Variants in IQSEC1 observed in about 807,000 individuals in gnomAD.
IQSEC1 encodes the protein IQ motif and SEC7 domain-containing protein 1.
In IQSEC1, 31 loss-of-function variants were observed where a neutral mutation model predicts 91.0. That is an observed-to-expected ratio of 0.34 (90% CI 0.26 to 0.46). The LOEUF is 0.46. Among genes scored for constraint, IQSEC1 ranks in the 20% least tolerant of loss-of-function variants. IQSEC1 has a pLI of 1.00. For missense variants in IQSEC1, 1,388 were observed against 1,575.6 expected (o/e 0.88, Z 2.02); for synonymous variants, 699 against 662.6 (o/e 1.05, Z -0.84).
intron 1 of IQSEC1, among the ~76,000 whole-genome samples, chr3:13,168,263 C>T (rs76200674): frequency 0.032 from 4,908 of 152,244 alleles, 102 homozygotes; most frequent in South Asian, 0.049. Context: ...TCTTATATGG[C>T]GTGATGTAGA....
intron 1 of IQSEC1, among the ~76,000 whole-genome samples, chr3:12,944,701 C>T (rs1187802239): frequency 5.3e-5 from 8 of 152,122 alleles, no homozygotes; most frequent in Non-Finnish European, 1.0e-4. Flanking sequence ...CGGGCCTCCG[C>T]TCCTAAGAGG....
chr3:13,200,189 T>C (rs1424433860), intron 1 of IQSEC1, among the ~76,000 whole-genome samples: 1 of 142,072 alleles, frequency 7.0e-6, no homozygotes, highest in African/African-American at 2.7e-5. Flanking sequence ...AACACACACA[T>C]ACACAAACAC....
chr3:13,083,152 C>G (rs1385489107), intron 2 of IQSEC1, among the ~76,000 whole-genome samples: 3 of 152,234 alleles, frequency 2.0e-5, no homozygotes, highest in Non-Finnish European at 4.4e-5. Flanking sequence ...TGCCTGATAA[C>G]TTGCAGGTGC....
At chr3:13,112,730 G>A (rs1354441630) in intron 2 of IQSEC1, among the ~76,000 whole-genome samples, 2 of 152,192 alleles carry the variant, frequency 1.3e-5, no homozygotes, top group Non-Finnish European at 2.9e-5. Flanking sequence ...ACGGGGGCGA[G>A]CAGGCCCACC....
At chr3:13,096,739 G>A (rs889340721) in intron 2 of IQSEC1, among the ~76,000 whole-genome samples, 3 of 152,156 alleles carry the variant, frequency 2.0e-5, no homozygotes, top group African/African-American at 4.8e-5. Flanking sequence ...GCACTGTCAC[G>A]CTTGAAGGAG....
intron 2 of IQSEC1, among the ~76,000 whole-genome samples, chr3:13,117,946 G>T (rs1313959772): frequency 6.6e-6 from 1 of 152,106 alleles, no homozygotes. Flanking sequence ...ATCTGATAAG[G>T]ATCTAGTATC....
intron 3 of IQSEC1, among the ~76,000 whole-genome samples, chr3:12,931,347 C>T (rs532886500): frequency 6.6e-6 from 1 of 152,336 alleles, no homozygotes; most frequent in South Asian, 2.1e-4. Context: ...GCACCACAGG[C>T]TACGGGAGCA....
chr3:13,013,755 T>C (rs1321357709), intron 1 of IQSEC1, among the ~76,000 whole-genome samples: 1 of 152,186 alleles, frequency 6.6e-6, no homozygotes, highest in Non-Finnish European at 1.5e-5. Context: ...CTTTGTACTC[T>C]CAGAGACAAG....
chr3:13,001,311 A>C (rs1702415146), intron 1 of IQSEC1, among the ~76,000 whole-genome samples: 1 of 152,038 alleles, frequency 6.6e-6, no homozygotes, highest in South Asian at 2.1e-4. Context: ...GCTTGTGGGC[A>C]CTTGATAGAT....
intron 1 of IQSEC1, among the ~76,000 whole-genome samples, chr3:13,190,427 C>A (rs1694002457): frequency 6.6e-6 from 1 of 152,032 alleles, no homozygotes; most frequent in South Asian, 2.1e-4. Context: ...AAAAAATTAG[C>A]CAGGCATGGT....
At chr3:13,280,266 A>G (rs1354428682) in intron 1 of IQSEC1, among the ~76,000 whole-genome samples, 1 of 152,104 alleles carries the variant, frequency 6.6e-6, no homozygotes, top group Non-Finnish European at 1.5e-5. Flanking sequence ...TCTTCCTCTT[A>G]TGTTTCCAAG....
chr3:13,166,017 G>A (rs974073526), intron 1 of IQSEC1, among the ~76,000 whole-genome samples: 6 of 152,158 alleles, frequency 3.9e-5, no homozygotes, highest in Non-Finnish European at 5.9e-5. Context: ...TCACCCAGGC[G>A]TTCAGGGATC....
intron 13 of IQSEC1, among the ~76,000 whole-genome samples, chr3:12,902,246 T>TC (rs1448544637): frequency 1.3e-5 from 2 of 151,848 alleles, no homozygotes; most frequent in African/African-American, 4.8e-5. Context: ...CTCAAGACAC[T>TC]CCTCCTCCCA....
In IQSEC1 at chr3:12,979,712, C is replaced by T. The variant is rs1701359928; in HGVS notation, c.24-37847G>A. On this transcript the variant is annotated intron_variant, in intron 1 of 13. Transcript: ENST00000613206. This position sits in a 1 kb window ranked among gnomAD's most constrained non-coding sequence, Gnocchi z 4.3. ...ATTAAAGGTCTGTCAGCATGCCGACCCTCCTGTCTGATGTCATCAGAAGGG... is the reference window on the plus strand; with the variant it reads ...ATTAAAGGTCTGTCAGCATGCCGACTCTCCTGTCTGATGTCATCAGAAGGG... Among the ~76,000 whole-genome samples, 1 of 152,130 alleles carries T rather than the reference C, an allele frequency of 6.6e-6. No homozygotes were observed. The highest frequency in any genetic ancestry group is 2.1e-4 in the South Asian group (1 of 4,826).
At chr3:13,197,418 G>A (rs920384310) in intron 1 of IQSEC1, among the ~76,000 whole-genome samples, 8 of 152,166 alleles carry the variant, frequency 5.3e-5, no homozygotes, top group East Asian at 1.9e-4. Context: ...CAGACAGGAC[G>A]TGCTGGTGCC....
chr3:13,031,096 C>T (rs1559730821), intron 1 of IQSEC1, among the ~76,000 whole-genome samples: 1 of 152,238 alleles, frequency 6.6e-6, no homozygotes, highest in Non-Finnish European at 1.5e-5. Context: ...TACCGAGTTT[C>T]ACACAGATAC....
chr3:13,188,307 CCT>C (rs1693967445), intron 1 of IQSEC1, among the ~76,000 whole-genome samples: 1 of 152,286 alleles, frequency 6.6e-6, no homozygotes, highest in African/African-American at 2.4e-5. Context: ...AGCACAGCAC[CCT>C]CCTCCACTCC....
chr3:13,165,537 C>CGTGTGTGTGTGTGTGTGT (rs57239903), intron 1 of IQSEC1, among the ~76,000 whole-genome samples: 1 of 66,644 alleles, frequency 1.5e-5, no homozygotes, highest in African/African-American at 5.7e-5. Context: ...GGGGGGGTGG[C>CGTGTGTGTGTGTGTGTGT]GTGTGTGTGT....
intron 1 of IQSEC1, among the ~76,000 whole-genome samples, chr3:13,005,214 T>C (rs767689480): frequency 1.3e-5 from 2 of 152,188 alleles, no homozygotes; most frequent in Non-Finnish European, 2.9e-5. Context: ...TAAACAGGTC[T>C]CTTCCCTTTA....
Sources: allele counts gnomAD v4.1 joint callset (sites outside exome capture counted in the v4.1 genomes callset), GRCh38; gene constraint gnomAD v4.1.1; non-coding constraint Gnocchi (gnomAD v3.1); transcripts MANE v1.5; gene names NCBI Gene and HGNC (gene_info 2026-07-23, HGNC 2026-07-21).